ARL14EPL: variants seen among roughly 807,000 people sequenced by gnomAD.
ARL14EPL encodes the protein ARL14 effector protein-like.
ARL14EPL carries 17 observed loss-of-function variants against 15.9 expected under a neutral mutation model. The observed-to-expected ratio is 1.07, with a 90% CI of 0.73 to 1.60. The LOEUF is 1.60. Among genes scored for constraint, ARL14EPL ranks in the 40% most tolerant of loss-of-function variants. The pLI, the probability that ARL14EPL is intolerant of heterozygous loss-of-function variation, is 0.00. For synonymous variants in ARL14EPL, 78 were observed against 63.8 expected (o/e 1.22, Z -1.06); for missense variants, 214 against 185.9 (o/e 1.15, Z -0.88).
chr5:116,033,416 C>G (rs1484299231), intron 1 of ARL14EPL, among the ~76,000 whole-genome samples: 1 of 152,056 alleles, frequency 6.6e-6, no homozygotes, highest in Non-Finnish European at 1.5e-5. Flanking sequence ...TAAGTGTTCT[C>G]AGAACATTTG....
chr5:116,054,033 T>A lies in ARL14EPL; in HGVS notation c.116T>A (p.Leu39Ter), dbSNP rs1321885488. ...QKQLQQIERQ[L>*]KCLAFRNPGP... ...TAATAGCAACAAATAGAGCGGCAGT[T>A]AAAATGCTTGGCATTTCGAAACCCT... The change falls in exon 3 of 4, where the codon TTA becomes TAA. Residue 39 changes from leucine to a stop codon, truncating the protein, a stop_gained. Transcript: ENST00000686077. LOFTEE classifies it high-confidence loss of function. 1 of 1,535,262 alleles carries A rather than the reference T, an allele frequency of 6.5e-7. No individual in the cohort carries two copies. The highest frequency in any genetic ancestry group is 8.7e-7 in the Non-Finnish European group (1 of 1,146,498).
At chr5:116,042,958 T>C (rs1749191895) in intron 1 of ARL14EPL, among the ~76,000 whole-genome samples, 1 of 152,278 alleles carries the variant, frequency 6.6e-6, no homozygotes, top group East Asian at 1.9e-4. Context: ...TACTGTTTTC[T>C]ATTTTTTTAC....
At position 116,056,461 on chromosome 5, in the gene ARL14EPL, C is replaced by G. The variant is rs548309826; in HGVS notation, c.237-2264C>G. On this transcript the variant is annotated intron_variant, in intron 3 of 3. Coordinates refer to ENST00000686077, the MANE Select transcript of ARL14EPL (RefSeq NM_001195581.2). The stretch of plus-strand genomic sequence containing the variant: ...CAATGTCTTCTTTTGAGAAGTGTCT[C>G]TTCATATCCTTCGCCCACTTGTTGA... Among the ~76,000 whole-genome samples, 231 of 152,282 alleles carry G rather than the reference C, an allele frequency of 1.5e-3. 1 individual carries two copies. The highest frequency in any genetic ancestry group is 5.2e-3 in the African/African-American group (218 of 41,554).
chr5:116,037,438 C>G (rs940121915), intron 1 of ARL14EPL, among the ~76,000 whole-genome samples: 1 of 152,184 alleles, frequency 6.6e-6, no homozygotes, highest in African/African-American at 2.4e-5. Context: ...TGAAATGACT[C>G]ACCTTTGACT....
intron 1 of ARL14EPL, among the ~76,000 whole-genome samples, chr5:116,050,780 ATCTCTCTCTCTCTCTCTC>A (rs141191776): frequency 2.3e-5 from 3 of 128,770 alleles, no homozygotes; most frequent in African/African-American, 8.7e-5. Context: ...TATGGGCTCC[ATCTCTCTCTCTCTCTCTC>A]TCTCTCTCTC....
chr5:116,042,466 A>G (rs1190082916), intron 1 of ARL14EPL, among the ~76,000 whole-genome samples: 3 of 152,188 alleles, frequency 2.0e-5, no homozygotes, highest in Non-Finnish European at 4.4e-5. Context: ...CTGGACCCCC[A>G]TGATGACTCC....
chr5:116,057,877 T>G (rs563803093), intron 3 of ARL14EPL, among the ~76,000 whole-genome samples: 1 of 152,342 alleles, frequency 6.6e-6, no homozygotes, highest in South Asian at 2.1e-4. Context: ...TGGACTTCAG[T>G]GGTAATAACG....
chr5:116,054,517 G>T (rs562338437), intron 3 of ARL14EPL, among the ~76,000 whole-genome samples: 1 of 152,298 alleles, frequency 6.6e-6, no homozygotes, highest in African/African-American at 2.4e-5. Flanking sequence ...TACAATGATT[G>T]TTAGTGCATC....
chr5:116,059,089 T>A lies in ARL14EPL; in HGVS notation c.*142T>A. 1 of 756,076 alleles carries A rather than the reference T, an allele frequency of 1.3e-6. No individual in the cohort carries two copies. Among genetic ancestry groups the A allele is most frequent in the Non-Finnish European group, 2.1e-6 (1 of 475,404 alleles). 46.8% of individuals were successfully genotyped at this position (756,076 alleles called of 1,614,324 possible). ...TGTTCTGTCAAGCCCCAGAACAATG[T>A]AGAATGGGCAATAATTCTGTAACCT... is the stretch of plus-strand genomic sequence containing the variant. On this transcript the variant is annotated 3_prime_UTR_variant, in exon 4 of 4. Coordinates refer to ENST00000686077, the MANE Select transcript of ARL14EPL (RefSeq NM_001195581.2).
At chr5:116,051,435 C>T (rs1425427090) in intron 1 of ARL14EPL, 22 bp from the exon 2 acceptor site, 3 of 1,417,758 alleles carry the variant, frequency 2.1e-6, no homozygotes, top group South Asian at 2.5e-5. Flanking sequence ...ATATGTTTTA[C>T]TTTTTCCAAT....
At chr5:116,039,811 CATG>C (rs914186273) in intron 1 of ARL14EPL, among the ~76,000 whole-genome samples, 2 of 152,086 alleles carry the variant, frequency 1.3e-5, no homozygotes, top group South Asian at 2.1e-4. Flanking sequence ...TCAATGATAA[CATG>C]ATGATATAAT....
At chr5:116,041,144 T>C (rs187964972) in intron 1 of ARL14EPL, among the ~76,000 whole-genome samples, 1 of 152,080 alleles carries the variant, frequency 6.6e-6, no homozygotes, top group Non-Finnish European at 1.5e-5. Context: ...CATGCAGTAG[T>C]ATGGTACTTT....
chr5:116,051,947 T>C, intron 2 of ARL14EPL: 2 of 1,610,042 alleles, frequency 1.2e-6, no homozygotes, highest in South Asian at 2.2e-5. Flanking sequence ...ATCTCCACCC[T>C]TGGTATTTCT....
chr5:116,033,744 A>G (rs78972110), intron 1 of ARL14EPL, among the ~76,000 whole-genome samples: 5,437 of 152,180 alleles, frequency 0.036, 330 homozygotes, highest in African/African-American at 0.12. Flanking sequence ...AACTCTTTCT[A>G]CCCAAGCTAT....
chr5:116,040,750 G>A (rs1044589316), intron 1 of ARL14EPL, among the ~76,000 whole-genome samples: 2 of 149,376 alleles, frequency 1.3e-5, no homozygotes, highest in East Asian at 2.0e-4. Flanking sequence ...AAGGTGGGCG[G>A]ATCACGAGGT....
chr5:116,041,878 G>T (rs1307582815), intron 1 of ARL14EPL, among the ~76,000 whole-genome samples: 1 of 152,064 alleles, frequency 6.6e-6, no homozygotes, highest in African/African-American at 2.4e-5. Context: ...ATGCAAGCTG[G>T]AATGCACTGA....
At chr5:116,046,629 C>T (rs1167744881) in intron 1 of ARL14EPL, among the ~76,000 whole-genome samples, 1 of 152,130 alleles carries the variant, frequency 6.6e-6, no homozygotes, top group East Asian at 1.9e-4. Context: ...GATAATTCAG[C>T]CATCATGGCT....
rs1339287809 is a variant in ARL14EPL at position 116,054,133 on chromosome 5, A to G, written c.216A>G (p.Glu72=). The G allele has an allele frequency of 1.3e-6, 2 of 1,535,378 alleles. No individual in the cohort carries two copies. Among genetic ancestry groups the G allele is most frequent in the Non-Finnish European group, 1.7e-6 (2 of 1,146,506 alleles). ...AAGCCCGGATGTCAAAGATGAATGA[A>G]TATTTTTCTACCAAATACAAGTAAG... is the stretch of plus-strand genomic sequence containing the variant. ...KKKARMSKMN[E]YFSTKYKIMR... The change falls in exon 3 of 4, where the codon GAA becomes GAG. Residue 72 remains glutamate, a synonymous_variant. Transcript: ENST00000686077.
chr5:116,050,721 T>C (rs2560704), intron 1 of ARL14EPL, among the ~76,000 whole-genome samples: 108,008 of 151,290 alleles, frequency 0.71, 39,441 homozygotes, highest in Middle Eastern at 0.84. Context: ...TGTTTTCTGA[T>C]AGAACATTGC....
Sources: gnomAD v4.1 joint callset for allele counts (sites outside exome capture counted in the v4.1 genomes callset) on GRCh38, gnomAD v4.1.1 for gene constraint, MANE v1.5 for transcripts, NCBI Gene and HGNC (gene_info 2026-07-23, HGNC 2026-07-21) for gene names.